OLFML2A: variants seen among roughly 807,000 people sequenced by gnomAD.
The protein encoded by OLFML2A is olfactomedin like 2A.
Under a neutral mutation model 60.9 loss-of-function variants are expected in OLFML2A, and 47 were observed. That is an observed-to-expected ratio of 0.77 (90% CI 0.61 to 0.98). The LOEUF (loss-of-function observed/expected upper bound fraction) is 0.98, where lower values mean the gene tolerates loss of function less well. Among genes scored for constraint, OLFML2A ranks in the 50% least tolerant of loss-of-function variants. The pLI, the probability that OLFML2A is intolerant of heterozygous loss-of-function variation, is 0.00. For missense variants in OLFML2A, 922 were observed against 879.8 expected (o/e 1.05, Z -0.61); for synonymous variants, 372 against 375.0 (o/e 0.99, Z 0.09).
At position 124,809,907 on chromosome 9, in the gene OLFML2A, A is replaced by C; in HGVS notation, c.1454A>C (p.Asn485Thr). ...TACTACAACCGCGCCTTCACCAAGA[A>C]CATCATCAAGTACGACCTACGGCAG... ...AFYYNRAFTK[N>T]IIKYDLRQRF... Residue 485 changes from asparagine to threonine, a missense_variant, in exon 8 of 8, where the codon AAC becomes ACC. Asn to Thr is a moderately conservative substitution (Grantham distance 65). Transcript: ENST00000373580. 1 of 1,614,220 alleles carries C rather than the reference A, an allele frequency of 6.2e-7. No individual in the cohort carries two copies. The highest frequency in any genetic ancestry group is 1.3e-5 in the African/African-American group (1 of 75,062).
chr9:124,808,708 AG>A (rs1255674267), intron 7 of OLFML2A, among the ~76,000 whole-genome samples: 1 of 152,092 alleles, frequency 6.6e-6, no homozygotes, highest in Non-Finnish European at 1.5e-5. Context: ...AGGGTGTTCC[AG>A]GCAGAAGGCT....
chr9:124,786,749 GACACACACAC>G (rs3138850), intron 1 of OLFML2A, among the ~76,000 whole-genome samples: 4,574 of 129,782 alleles, frequency 0.035, 171 homozygotes, highest in African/African-American at 0.087. Context: ...CAGAGACGTA[GACACACACAC>G]ACACACACAC....
rs772185764 is a variant in OLFML2A, at chr9:124,779,494, C to G, written c.90+2134C>G. ...AGCAGAGACAAAGAAAACCCAACAC[C>G]CTGTTTGTGTAGTGAGTCAGCCAAA... is the stretch of plus-strand genomic sequence containing the variant. On this transcript the variant is annotated intron_variant, in intron 1 of 7. Coordinates refer to ENST00000373580, the MANE Select transcript of OLFML2A (RefSeq NM_182487.4). The surrounding 1 kb of genome is among the most constrained non-coding windows in gnomAD (Gnocchi z 4.1). Among the ~76,000 whole-genome samples the G allele has an allele frequency of 6.6e-6, 1 of 151,804 alleles. No homozygotes were observed. The highest frequency in any genetic ancestry group is 2.4e-5 in the African/African-American group (1 of 41,300).
At chr9:124,783,891 A>T (rs1210921435) in intron 1 of OLFML2A, among the ~76,000 whole-genome samples, 1 of 152,226 alleles carries the variant, frequency 6.6e-6, no homozygotes, top group Admixed American at 6.5e-5. Flanking sequence ...CCAAGTCACT[A>T]GATGAAGGGA....
intron 4 of OLFML2A, among the ~76,000 whole-genome samples, chr9:124,799,917 C>G (rs1256030379): frequency 6.6e-6 from 1 of 152,176 alleles, no homozygotes; most frequent in Non-Finnish European, 1.5e-5. Context: ...CTCAGGGACC[C>G]CTGCAGACTG....
chr9:124,802,723 C>T (rs1260081349), intron 5 of OLFML2A, among the ~76,000 whole-genome samples: 2 of 152,202 alleles, frequency 1.3e-5, no homozygotes, highest in African/African-American at 2.4e-5. Context: ...CCCCCTTCCC[C>T]GCCAGGGCCC....
chr9:124,799,158 G>C (rs908719144), intron 3 of OLFML2A, 127 bp from the exon 4 acceptor site: 2 of 641,820 alleles, frequency 3.1e-6, no homozygotes, highest in Admixed American at 5.6e-5. Context: ...TGCTCACTGC[G>C]GCCGCCCCTA....
chr9:124,790,754 T>C (rs765772249), intron 2 of OLFML2A, among the ~76,000 whole-genome samples: 23 of 151,272 alleles, frequency 1.5e-4, no homozygotes, highest in Non-Finnish European at 3.0e-5. Context: ...GGAGACAGGG[T>C]TGGGGCTTCC....
Position 124,809,820 on chromosome 9 carries a change from A to G in OLFML2A, c.1367A>G (p.Asn456Ser), listed in dbSNP as rs1841966920. 1.2e-6 allele frequency: 2 copies of G among 1,606,572 alleles called. No individual in the cohort carries two copies. Among genetic ancestry groups the G allele is most frequent in the East Asian group, 4.5e-5 (2 of 44,720 alleles). ...CCCTCGCCTGCAGGCCGCTGGAGTA[A>G]CATGTACAAGCTACCCTACAACTGG... ...LENFKQGRWS[N>S]MYKLPYNWIG... is the part of the protein sequence containing the mutation. Residue 456 changes from asparagine (N) to serine (S), a missense_variant, in exon 8 of 8, where the codon AAC becomes AGC. Asn to Ser is a conservative substitution (Grantham distance 46). Transcript: ENST00000373580.
chr9:124,805,815 T>TG (rs1339772999), intron 6 of OLFML2A, among the ~76,000 whole-genome samples: 1,327 of 126,820 alleles, frequency 0.01, 30 homozygotes, highest in African/African-American at 0.042. Context: ...TTGGTTTTTT[T>TG]TTTTTTTTTT....
intron 1 of OLFML2A, among the ~76,000 whole-genome samples, chr9:124,785,458 C>T (rs1456063842): frequency 2.3e-5 from 3 of 131,296 alleles, no homozygotes; most frequent in South Asian, 2.4e-4. Flanking sequence ...AGTGCAGTGG[C>T]GCGATCTCGG....
chr9:124,780,660 T>C (rs1221499649), intron 1 of OLFML2A, among the ~76,000 whole-genome samples: 1 of 152,218 alleles, frequency 6.6e-6, no homozygotes, highest in African/African-American at 2.4e-5. Flanking sequence ...CAAGCCCTAC[T>C]GGGTGTCTCT....
rs144536109 is a variant in OLFML2A, at chr9:124,801,580, G to A, written c.836G>A (p.Arg279His). The A allele has an allele frequency of 3.1e-5, 50 of 1,613,934 alleles. No homozygotes were observed. Among genetic ancestry groups the A allele is most frequent in the African/African-American group, 3.1e-4 (23 of 74,998 alleles). The change falls in exon 5 of 8, where the codon CGC becomes CAC. Residue 279 changes from arginine (R) to histidine (H), a missense_variant. Coordinates refer to ENST00000373580, the MANE Select transcript of OLFML2A (RefSeq NM_182487.4). ...TTCCTCCAGCCCACAGCCAAGCCCC[G>A]CGCCCTGGCCCAGCAGCAGGCTGTG... Reference protein sequence around the residue: ...GSFLQPTAKPRALAQQQAVIR... With the variant: ...GSFLQPTAKPHALAQQQAVIR...
intron 2 of OLFML2A, among the ~76,000 whole-genome samples, chr9:124,788,495 A>G (rs1476702183): frequency 6.6e-6 from 1 of 151,940 alleles, no homozygotes; most frequent in Non-Finnish European, 1.5e-5. Flanking sequence ...AATCCCAGCT[A>G]CTTGGGAGGC....
Position 124,813,288 on chromosome 9 carries a change from A to G in OLFML2A, c.*2876A>G, listed in dbSNP as rs1842056144. On this transcript the variant is annotated 3_prime_UTR_variant, in exon 8 of 8. Coordinates refer to ENST00000373580, the MANE Select transcript of OLFML2A (RefSeq NM_182487.4). ...ACATATGGTCACATTGGCGCCTAGA[A>G]CAGTTAGGTCGCTCGTCACATAGGC... 1 of 152,330 alleles carries G rather than the reference A, an allele frequency of 6.6e-6. No homozygotes were observed. The highest frequency in any genetic ancestry group is 2.1e-4 in the South Asian group (1 of 4,824). The allele number at this position is 152,330 out of a possible 1,614,324, so 9.4% of individuals were successfully genotyped here.
Position 124,777,518 on chromosome 9 carries a change from G to A in OLFML2A, c.90+158G>A, listed in dbSNP as rs1448978930. 1.3e-5 allele frequency among the ~76,000 whole-genome samples: 2 copies of A among 152,168 alleles called. No individual in the cohort carries two copies. Among genetic ancestry groups the A allele is most frequent in the African/African-American group, 4.8e-5 (2 of 41,460 alleles). On this transcript the variant is annotated intron_variant, in intron 1 of 7. Coordinates refer to ENST00000373580, the MANE Select transcript of OLFML2A (RefSeq NM_182487.4). The surrounding 1 kb of genome is among the most constrained non-coding windows in gnomAD (Gnocchi z 6.2). ...ACTTCTCAGCACTGAAGCCGCAGGG[G>A]CAGGGGCCCCGAGAGAGGGGCGCGT...
chr9:124,804,593 G>C (rs994499460), intron 6 of OLFML2A, among the ~76,000 whole-genome samples: 1 of 151,574 alleles, frequency 6.6e-6, no homozygotes, highest in African/African-American at 2.4e-5. Context: ...GCGTAGTGGC[G>C]GGTGCCTGCA....
intron 1 of OLFML2A, among the ~76,000 whole-genome samples, chr9:124,783,201 G>A (rs1841395236): frequency 6.6e-6 from 1 of 152,286 alleles, no homozygotes; most frequent in Non-Finnish European, 1.5e-5. Flanking sequence ...GGCAGGCATG[G>A]TAGCTCACGC....
rs755848099 is a variant in OLFML2A, at chr9:124,810,165, G to T, written c.1712G>T (p.Arg571Leu). 3 of 1,613,788 alleles carry T rather than the reference G, an allele frequency of 1.9e-6. No individual in the cohort carries two copies. The highest frequency in any genetic ancestry group is 1.1e-5 in the South Asian group (1 of 91,086). Residue 571 changes from arginine to leucine, a missense_variant, in exon 8 of 8, where the codon CGG becomes CTG. Physicochemically the swap from Arg to Leu is moderately radical, Grantham distance 102 (BLOSUM62 -2). Transcript: ENST00000373580. ...HRETTWKTRL[R>L]RNSYGNCFLV... ...GAGACCACGTGGAAGACACGGCTGC[G>T]GCGGAACTCCTACGGGAACTGCTTC...
Sources: gnomAD v4.1 joint callset for allele counts (sites outside exome capture counted in the v4.1 genomes callset) on GRCh38, gnomAD v4.1.1 for gene constraint, Gnocchi (gnomAD v3.1) non-coding constraint, MANE v1.5 for transcripts, NCBI Gene and HGNC (gene_info 2026-07-23, HGNC 2026-07-21) for gene names.